Variants in TPRG1 observed in about 807,000 individuals in gnomAD.
TPRG1 encodes the protein tumor protein p63-regulated gene 1 protein.
TPRG1 carries 29 observed loss-of-function variants against 29.3 expected under a neutral mutation model. The ratio of observed to expected loss-of-function variants is 0.99; its 90% CI spans 0.74 to 1.35. The LOEUF is 1.35. Ranked by LOEUF, TPRG1 falls within the 40% of genes most tolerant of loss-of-function variation. TPRG1 has a pLI of 0.00. For missense variants in TPRG1, 327 were observed against 335.0 expected (o/e 0.98, Z 0.19); for synonymous variants, 130 against 116.8 (o/e 1.11, Z -0.73).
chr3:189,020,383 C>T (rs1019410189), intron 3 of TPRG1, among the ~76,000 whole-genome samples: 2 of 151,874 alleles, frequency 1.3e-5, no homozygotes, highest in African/African-American at 4.8e-5. Flanking sequence ...CTATAAATTT[C>T]CCTCTACACA....
intron 1 of TPRG1, among the ~76,000 whole-genome samples, chr3:189,172,483 G>T (rs1728934604): frequency 6.6e-6 from 1 of 152,138 alleles, no homozygotes; most frequent in South Asian, 2.1e-4. Flanking sequence ...GTTCCAATTG[G>T]ATCAGCAGGT....
intron 1 of TPRG1, among the ~76,000 whole-genome samples, chr3:189,206,815 G>GTGTGTGTGTGTC (rs1734456063): frequency 6.6e-6 from 1 of 151,726 alleles, no homozygotes; most frequent in Non-Finnish European, 1.5e-5. Flanking sequence ...AACCGTGTGT[G>GTGTGTGTGTGTC]TGTGTGTGTG....
intron 4 of TPRG1, among the ~76,000 whole-genome samples, chr3:189,295,326 G>A (rs186234473): frequency 6.6e-6 from 1 of 152,130 alleles, no homozygotes; most frequent in Admixed American, 6.5e-5. Flanking sequence ...AGGCTGTGTT[G>A]TGAACACAGT....
chr3:189,151,070 A>G (rs1166203742), intron 5 of TPRG1: 1 of 152,202 alleles, frequency 6.6e-6, no homozygotes, highest in African/African-American at 2.4e-5. Flanking sequence ...AAAAGCCTCC[A>G]TCTTTGGATA....
intron 1 of TPRG1, among the ~76,000 whole-genome samples, chr3:189,105,665 G>A (rs1409423845): frequency 2.6e-5 from 4 of 152,018 alleles, no homozygotes; most frequent in African/African-American, 9.7e-5. Flanking sequence ...CTTTTTCTCA[G>A]GATATATTCT....
intron 4 of TPRG1, among the ~76,000 whole-genome samples, chr3:189,306,348 T>A (rs1192474203): frequency 6.6e-6 from 1 of 152,194 alleles, no homozygotes; most frequent in Non-Finnish European, 1.5e-5. Flanking sequence ...TGGATTTAGA[T>A]TCAAGTAGAA....
At chr3:189,188,324 A>C (rs1181614221) in intron 1 of TPRG1, among the ~76,000 whole-genome samples, 1 of 152,146 alleles carries the variant, frequency 6.6e-6, no homozygotes, top group Non-Finnish European at 1.5e-5. Flanking sequence ...TTATGCTATG[A>C]CTTCTAGCCC....
At chr3:189,124,360 G>A (rs1722180190) in intron 1 of TPRG1, among the ~76,000 whole-genome samples, 1 of 152,072 alleles carries the variant, frequency 6.6e-6, no homozygotes, top group East Asian at 1.9e-4. Flanking sequence ...CATCCTGTAT[G>A]GTGATTTAAA....
At chr3:189,186,985 GT>G (rs397875585) in intron 1 of TPRG1, among the ~76,000 whole-genome samples, 32 of 88,952 alleles carry the variant, frequency 3.6e-4, no homozygotes, top group Middle Eastern at 7.9e-3. Flanking sequence ...CATCTAAAGT[GT>G]TTTTTTTTTT....
chr3:189,301,833 C>T (rs1430245771), intron 4 of TPRG1, among the ~76,000 whole-genome samples: 1 of 152,156 alleles, frequency 6.6e-6, no homozygotes, highest in Non-Finnish European at 1.5e-5. Context: ...TTAAACCACA[C>T]CCTACTGACT....
At chr3:189,061,920 G>A (rs1211184234) in intron 4 of TPRG1, among the ~76,000 whole-genome samples, 1 of 152,176 alleles carries the variant, frequency 6.6e-6, no homozygotes, top group Non-Finnish European at 1.5e-5. Flanking sequence ...ACTTGACCCA[G>A]TAATCCCATT....
chr3:189,312,081 GTTTC>G (rs1220000280), intron 5 of TPRG1, among the ~76,000 whole-genome samples: 1 of 119,958 alleles, frequency 8.3e-6, no homozygotes, highest in Non-Finnish European at 1.7e-5. Context: ...AACACTTTAT[GTTTC>G]TTTCTTTCTT....
At chr3:189,164,131 C>T (rs1727846469) in intron 5 of TPRG1, among the ~76,000 whole-genome samples, 1 of 151,840 alleles carries the variant, frequency 6.6e-6, no homozygotes, top group African/African-American at 2.4e-5. Flanking sequence ...TTCTTCATGT[C>T]TTTGTTTTCT....
chr3:189,192,808 A>G (rs1731900483), intron 1 of TPRG1, among the ~76,000 whole-genome samples: 1 of 152,028 alleles, frequency 6.6e-6, no homozygotes, highest in Non-Finnish European at 1.5e-5. Context: ...TTGATAGTGA[A>G]TATTAACTTT....
chr3:189,143,150 T>C (rs1200382365), intron 3 of TPRG1, among the ~76,000 whole-genome samples: 1 of 141,616 alleles, frequency 7.1e-6, no homozygotes, highest in Non-Finnish European at 1.6e-5. Context: ...ATTGCAATTT[T>C]TAGGATCATC....
intron 2 of TPRG1, among the ~76,000 whole-genome samples, chr3:189,131,242 A>G (rs994140262): frequency 1.3e-5 from 2 of 152,168 alleles, no homozygotes; most frequent in Non-Finnish European, 2.9e-5. Flanking sequence ...AGAAATCCCT[A>G]ATGAGTTACT....
In TPRG1 at chr3:189,207,492, G is replaced by A. The variant is rs1030451513; in HGVS notation, c.108G>A (p.Pro36=). ...ACCTATCGATGGAGGAAGAGGACCC[G>A]ATGCCAAGACAGATTTCAAGGCAGT... ...TDHLSMEEED[P]MPRQISRQSS... The change falls in exon 2 of 6, where the codon CCG becomes CCA. Residue 36 remains proline, a synonymous_variant. Transcript: ENST00000345063. 1.2e-5 allele frequency: 19 copies of A among 1,613,892 alleles called. No homozygotes were observed. The highest frequency in any genetic ancestry group is 1.6e-4 in the Middle Eastern group (1 of 6,082).
At chr3:189,133,903 G>A (rs1723401038) in intron 3 of TPRG1, among the ~76,000 whole-genome samples, 1 of 152,184 alleles carries the variant, frequency 6.6e-6, no homozygotes, top group Non-Finnish European at 1.5e-5. Flanking sequence ...GAGTGGAGGT[G>A]TGTGAGACTC....
rs1388406839 is a variant in TPRG1 at position 189,074,422 on chromosome 3, G to T, written c.-463+50476G>T. Among the ~76,000 whole-genome samples the T allele has an allele frequency of 2.0e-5, 3 of 151,756 alleles. No individual in the cohort carries two copies. In the East Asian group the frequency reaches 5.8e-4, roughly 29 times the overall value. Reference sequence around the variant, plus strand: ...GGGTTTCACCGTGTTAGCCAGGATGGTCTCGATCTCCTGACCTCGTGATCT... The same window carrying T: ...GGGTTTCACCGTGTTAGCCAGGATGTTCTCGATCTCCTGACCTCGTGATCT... On this transcript the variant is annotated intron_variant, in intron 4 of 10. Transcript: ENST00000433971.
Sources: allele counts gnomAD v4.1 joint callset (sites outside exome capture counted in the v4.1 genomes callset), GRCh38; gene constraint gnomAD v4.1.1; transcripts MANE v1.5; gene names NCBI Gene and HGNC (gene_info 2026-07-23, HGNC 2026-07-21).